The following PRR35 variants were observed in gnomAD, a reference collection of about 807,000 sequenced individuals.
PRR35 encodes proline rich 35.
Under a neutral mutation model 18.6 loss-of-function variants are expected in PRR35, and 14 were observed. The observed-to-expected ratio is 0.75, with a 90% confidence interval of 0.50 to 1.18. PRR35 has a LOEUF of 1.18. Ranked by LOEUF, PRR35 falls within the 50% of genes most tolerant of loss-of-function variation. PRR35 has a pLI of 0.00. For missense variants in PRR35, 832 were observed against 792.2 expected (o/e 1.05, Z -0.60); for synonymous variants, 425 against 378.2 (o/e 1.12, Z -1.43).
intron 2 of PRR35, 121 bp downstream of exon 2, chr16:564,497 G>A (rs1164077383): frequency 2.8e-6 from 4 of 1,445,430 alleles, no homozygotes; most frequent in Non-Finnish European, 3.7e-6. Context: ...TGGGAAAGTG[G>A]GCTCCAGGCC....
intron 1 of PRR35, among the ~76,000 whole-genome samples, chr16:561,110 G>A (rs1015989947): frequency 6.6e-6 from 1 of 152,210 alleles, no homozygotes; most frequent in Non-Finnish European, 1.5e-5. Flanking sequence ...AGGGCTGCTG[G>A]CTGCCCCGGG....
upstream of PRR35, chr16:560,346 C>T: frequency 7.1e-6 from 7 of 981,760 alleles, no homozygotes; most frequent in South Asian, 9.4e-5. Context: ...GGTCGCAGCG[C>T]CCCCCGGAGC....
chr16:564,880 G>C lies in PRR35; in HGVS notation c.1289G>C (p.Gly430Ala). 1.3e-6 allele frequency: 2 copies of C among 1,574,150 alleles called. No individual in the cohort carries two copies. The highest frequency in any genetic ancestry group is 1.7e-6 in the Non-Finnish European group (2 of 1,164,938). Residue 430 changes from glycine (G) to alanine (A), a missense_variant, in exon 3 of 3, where the codon GGC becomes GCC. By Grantham distance (60) the Gly-to-Ala change is moderately conservative. This residue lies in a region of PRR35 where 768 missense variants were observed against 704.1 expected (regional missense o/e 1.09). Transcript: ENST00000409413. ...CTGGGACAGTTGGGGCCCGCGGGGGGCCTGGCCCCGAGACCCCTGCGGGAG... is the reference window on the plus strand; with the variant it reads ...CTGGGACAGTTGGGGCCCGCGGGGGCCCTGGCCCCGAGACCCCTGCGGGAG... ...QRLGQLGPAG[G>A]LAPRPLREQL...
In PRR35 at chr16:561,854, G is replaced by A. The variant is rs1217032713; in HGVS notation, c.-40+1193G>A. 1.1e-5 allele frequency: 10 copies of A among 906,008 alleles called. No homozygotes were observed. The South Asian group carries it at 3.0e-4, about 28-fold the overall frequency. The allele number at this position is 906,008 out of a possible 1,614,324, so 56.1% of individuals were successfully genotyped here. ...GCCTGTGTGAGCATGTGAGTGCCGT[G>A]TTGGAGTGGTTTGGAAAGCCCCCCC... On this transcript the variant is annotated intron_variant, in intron 1 of 2. Coordinates refer to ENST00000409413, the MANE Select transcript of PRR35 (RefSeq NM_145270.3).
In PRR35 at chr16:563,539, C is replaced by T. The variant is rs780446928; in HGVS notation, c.245C>T (p.Thr82Met). The T allele has an allele frequency of 6.1e-5, 98 of 1,611,086 alleles. 1 individual carries two copies. The South Asian group carries it at 9.1e-4, about 15-fold the overall frequency. Reference protein sequence around the residue: ...PDWACRRGSTTPRPHAPTPDR... With the variant: ...PDWACRRGSTMPRPHAPTPDR... ...TGGGCGTGCCGCCGTGGCTCCACCACGCCTAGGCCCCACGCACCCACCCCA... is the reference window on the plus strand; with the variant it reads ...TGGGCGTGCCGCCGTGGCTCCACCATGCCTAGGCCCCACGCACCCACCCCA... The change falls in exon 2 of 3, where the codon ACG (threonine) becomes ATG (methionine). Residue 82 changes from threonine (T) to methionine (M), a missense_variant. By Grantham distance (81) the Thr-to-Met change is moderately conservative. This residue lies in a region of PRR35 where 768 missense variants were observed against 704.1 expected (regional missense o/e 1.09). Transcript: ENST00000409413.
chr16:559,916 C>A (rs2035406463), upstream of PRR35, among the ~76,000 whole-genome samples: 1 of 152,156 alleles, frequency 6.6e-6, no homozygotes, highest in South Asian at 2.1e-4. Context: ...ACCCCTGTCC[C>A]CCAGGACAGC....
At position 561,683 on chromosome 16, in the gene PRR35, C is replaced by T. The variant is rs117831334; in HGVS notation, c.-40+1022C>T. 5,749 of 961,204 alleles carry T rather than the reference C, an allele frequency of 6.0e-3. 28 individuals carry two copies. The highest frequency in any genetic ancestry group is 6.6e-3 in the Non-Finnish European group (5,341 of 807,800). The allele number at this position is 961,204 out of a possible 1,614,324, so 59.5% of individuals were successfully genotyped here. Reference sequence around the variant, plus strand: ...AGTGGACTTCTCCAGCCCTGTTGGTCGTCCCCCCAACGGCACCAACACAGT... The same window carrying T: ...AGTGGACTTCTCCAGCCCTGTTGGTTGTCCCCCCAACGGCACCAACACAGT... On this transcript the variant is annotated intron_variant, in intron 1 of 2. Coordinates refer to ENST00000409413, the MANE Select transcript of PRR35 (RefSeq NM_145270.3).
At chr16:559,997 G>A (rs900690764), upstream of PRR35, among the ~76,000 whole-genome samples, 1 of 152,112 alleles carries the variant, frequency 6.6e-6, no homozygotes, top group African/African-American at 2.4e-5. Context: ...AGCGCTGACG[G>A]CCCCTCTCCC....
In PRR35 at chr16:563,821, G is replaced by T; in HGVS notation, c.527G>T (p.Gly176Val). 1 of 1,507,748 alleles carries T rather than the reference G, an allele frequency of 6.6e-7. No individual in the cohort carries two copies. The highest frequency in any genetic ancestry group is 1.4e-5 in the African/African-American group (1 of 72,302). 93.4% of individuals were successfully genotyped at this position (1,507,748 alleles called of 1,614,324 possible). Residue 176 changes from glycine to valine, a missense_variant, in exon 2 of 3, where the codon GGG (glycine) becomes GTG (valine). By Grantham distance (109) the Gly-to-Val change is moderately radical. This residue lies in a region of PRR35 where 768 missense variants were observed against 704.1 expected (regional missense o/e 1.09). Transcript: ENST00000409413. ...MGGDPRGVGA[G>V]DMASAGPEGS... The stretch of plus-strand genomic sequence containing the variant: ...GGGGACCCAAGGGGCGTGGGTGCGG[G>T]GGACATGGCCTCAGCAGGCCCTGAG...
rs1047164837 is a variant in PRR35 at position 563,971 on chromosome 16, C to T, written c.677C>T (p.Ser226Leu). ...GGCCTCTTCTCCTACTTGGGGCCCTCACTGGCCGCTGCAGCCCATGTGCCC... is the reference window on the plus strand; with the variant it reads ...GGCCTCTTCTCCTACTTGGGGCCCTTACTGGCCGCTGCAGCCCATGTGCCC... ...SPGLFSYLGP[S>L]LAAAAHVPFL... is the part of the protein sequence containing the mutation. Residue 226 changes from serine (S) to leucine (L), a missense_variant, in exon 2 of 3, where the codon TCA becomes TTA. Around this residue, in one of 3 missense-constraint regions of PRR35, gnomAD observed 768 missense variants for 704.1 expected, o/e 1.09. Coordinates refer to ENST00000409413, the MANE Select transcript of PRR35 (RefSeq NM_145270.3). The T allele has an allele frequency of 1.2e-6, 2 of 1,600,450 alleles. No individual in the cohort carries two copies. The highest frequency in any genetic ancestry group is 1.3e-5 in the African/African-American group (1 of 74,596).
Position 561,818 on chromosome 16 carries a change from C to T in PRR35, c.-40+1157C>T, listed in dbSNP as rs562835440. On this transcript the variant is annotated intron_variant, in intron 1 of 2. Transcript: ENST00000409413. Reference sequence around the variant, plus strand: ...CAGGTCTGCGTGTGTCCTGGGGAGTCGGTGTGTAGGGCCTGTGTGAGCATG... The same window carrying T: ...CAGGTCTGCGTGTGTCCTGGGGAGTTGGTGTGTAGGGCCTGTGTGAGCATG... 7.5e-5 allele frequency: 74 copies of T among 983,448 alleles called. No homozygotes were observed. In the South Asian group the frequency reaches 1.8e-3, roughly 24 times the overall value. The allele number at this position is 983,448 out of a possible 1,614,324, so 60.9% of individuals were successfully genotyped here.
At chr16:561,568 G>A (rs897678532) in intron 1 of PRR35, among the ~76,000 whole-genome samples, 2 of 152,204 alleles carry the variant, frequency 1.3e-5, no homozygotes, top group Admixed American at 6.5e-5. Flanking sequence ...CCTCCCGACC[G>A]CCACCCTGTC....
Position 563,993 on chromosome 16 carries a change from G to A in PRR35, c.699G>A (p.Val233=). The part of the protein sequence containing the change: ...LGPSLAAAAH[V]PFLASASPLL... ...CCTCACTGGCCGCTGCAGCCCATGT[G>A]CCCTTCCTGGCCTCGGCCAGCCCCC... The change falls in exon 2 of 3, where the codon GTG becomes GTA. Residue 233 remains valine (V), a synonymous_variant. Coordinates refer to ENST00000409413, the MANE Select transcript of PRR35 (RefSeq NM_145270.3). 1 of 1,600,888 alleles carries A rather than the reference G, an allele frequency of 6.2e-7. No individual in the cohort carries two copies. Among genetic ancestry groups the A allele is most frequent in the Non-Finnish European group, 8.5e-7 (1 of 1,175,830 alleles).
At chr16:561,099 C>A (rs1463066318) in intron 1 of PRR35, among the ~76,000 whole-genome samples, 1 of 152,194 alleles carries the variant, frequency 6.6e-6, no homozygotes, top group Non-Finnish European at 1.5e-5. Context: ...GGGCCTGGCA[C>A]AGGGCTGCTG....
In PRR35 at chr16:560,473, G is replaced by T; in HGVS notation, c.-228G>T. On this transcript the variant is annotated 5_prime_UTR_variant, in exon 1 of 3. Transcript: ENST00000409413. ...GGGAGTCGCTGCCGCTCGAGGGACCGCGGACCCGGGAGGTCCGGCTCCCGG... is the reference window on the plus strand; with the variant it reads ...GGGAGTCGCTGCCGCTCGAGGGACCTCGGACCCGGGAGGTCCGGCTCCCGG... 1.0e-6 allele frequency: 1 copy of T among 982,710 alleles called. No individual in the cohort carries two copies. Among genetic ancestry groups the T allele is most frequent in the Non-Finnish European group, 1.2e-6 (1 of 828,876 alleles). The allele number at this position is 982,710 out of a possible 1,614,324, so 60.9% of individuals were successfully genotyped here. A position where few individuals can be genotyped will look rare whatever the true frequency, so the allele number is the denominator to read the frequency against.
chr16:564,265 G>A lies in PRR35; in HGVS notation c.971G>A (p.Gly324Glu). 6.3e-7 allele frequency: 1 copy of A among 1,578,388 alleles called. No individual in the cohort carries two copies. The highest frequency in any genetic ancestry group is 8.6e-7 in the Non-Finnish European group (1 of 1,167,038). Residue 324 changes from glycine to glutamate, a missense_variant, in exon 2 of 3, where the codon GGG (glycine) becomes GAG (glutamate). Around this residue, in one of 3 missense-constraint regions of PRR35, gnomAD observed 768 missense variants for 704.1 expected, o/e 1.09. Coordinates refer to ENST00000409413, the MANE Select transcript of PRR35 (RefSeq NM_145270.3). Reference sequence around the variant, plus strand: ...ACCCCCAGGGACCCAGGGCAGGAGGGGGAGCTGGAGCGGGCAGCCCAGAGT... The same window carrying A: ...ACCCCCAGGGACCCAGGGCAGGAGGAGGAGCTGGAGCGGGCAGCCCAGAGT... ...RVTPRDPGQE[G>E]ELERAAQSDP...
intron 1 of PRR35, 99 bp from the exon 2 acceptor site, chr16:563,157 A>G: frequency 8.3e-7 from 1 of 1,210,082 alleles, no homozygotes; most frequent in Non-Finnish European, 1.1e-6. Context: ...TGGGGGGAGC[A>G]CCCAGGCTCC....
intron 1 of PRR35, among the ~76,000 whole-genome samples, chr16:560,907 C>T (rs1487754491): frequency 6.8e-6 from 1 of 147,900 alleles, no homozygotes; most frequent in African/African-American, 2.5e-5. Context: ...CTCGCCGCAC[C>T]CGCCTGTGTG....
rs2142104246 is a variant in PRR35, at chr16:560,639, G to A, written c.-62G>A. 2 of 982,170 alleles carry A rather than the reference G, an allele frequency of 2.0e-6. No individual in the cohort carries two copies. The highest frequency in any genetic ancestry group is 2.4e-6 in the Non-Finnish European group (2 of 828,910). 60.8% of individuals were successfully genotyped at this position (982,170 alleles called of 1,614,324 possible). On this transcript the variant is annotated 5_prime_UTR_variant, in exon 1 of 3. Transcript: ENST00000409413. ...TACACGCGGCCTCGCAGACTTGGCGGCTCCGCTCCCGGCCGGGCGCAGGTA... is the reference window on the plus strand; with the variant it reads ...TACACGCGGCCTCGCAGACTTGGCGACTCCGCTCCCGGCCGGGCGCAGGTA...
Sources: gnomAD v4.1 joint callset for allele counts (sites outside exome capture counted in the v4.1 genomes callset) on GRCh38, gnomAD v4.1.1 for gene constraint, gnomAD v4.1.1 regional missense constraint, MANE v1.5 for transcripts, NCBI Gene and HGNC (gene_info 2026-07-23, HGNC 2026-07-21) for gene names.